Variants in RANBP10 observed in about 807,000 individuals in gnomAD.
RANBP10 encodes the protein ran-binding protein 10.
A neutral mutation model predicts 72.8 loss-of-function variants in RANBP10; 24 were observed. That is an observed-to-expected ratio of 0.33 (90% CI 0.24 to 0.46). The LOEUF (loss-of-function observed/expected upper bound fraction) is 0.46. Ranked by LOEUF, RANBP10 falls within the 20% of genes least tolerant of loss-of-function variation. The probability of loss-of-function intolerance (pLI) is 1.00; values close to 1 mark genes in which losing one functional copy is unlikely to be tolerated. For missense variants in RANBP10, 679 were observed against 817.5 expected (o/e 0.83, Z 2.07); for synonymous variants, 310 against 322.3 (o/e 0.96, Z 0.41).
chr16:67,800,004 C>G (rs959046366), intron 2 of RANBP10, among the ~76,000 whole-genome samples: 2 of 152,074 alleles, frequency 1.3e-5, no homozygotes, highest in African/African-American at 4.8e-5. Flanking sequence ...GCCTGTAGTC[C>G]CAGCTACTCG....
chr16:67,797,742 C>T (rs930799408), intron 2 of RANBP10, among the ~76,000 whole-genome samples: 2 of 151,922 alleles, frequency 1.3e-5, no homozygotes. Flanking sequence ...CCCTGGGAGG[C>T]GGAGGTTGCA....
At chr16:67,742,627 C>T (rs1043740635) in intron 4 of RANBP10, among the ~76,000 whole-genome samples, 1 of 152,092 alleles carries the variant, frequency 6.6e-6, no homozygotes, top group Non-Finnish European at 1.5e-5. Context: ...TTGGTGGTCC[C>T]GGTGTACATG....
chr16:67,772,217 T>C, intron 2 of RANBP10, 131 bp from the exon 3 acceptor site: 2 of 905,748 alleles, frequency 2.2e-6, no homozygotes, highest in Middle Eastern at 3.4e-4. Flanking sequence ...TCTTATAACA[T>C]ACTAATGGTT....
At chr16:67,801,530 G>A (rs2055234856) in intron 2 of RANBP10, among the ~76,000 whole-genome samples, 1 of 152,280 alleles carries the variant, frequency 6.6e-6, no homozygotes, top group African/African-American at 2.4e-5. Context: ...AAAATGGGAA[G>A]GTAGATGATC....
At chr16:67,766,626 TA>T (rs1184866614) in intron 3 of RANBP10, among the ~76,000 whole-genome samples, 1 of 152,126 alleles carries the variant, frequency 6.6e-6, no homozygotes, top group East Asian at 1.9e-4. Context: ...TAAGCTTCCA[TA>T]GGCCCTCACC....
chr16:67,753,339 CTACAAAAAA>C (rs904337669), intron 3 of RANBP10, among the ~76,000 whole-genome samples: 22 of 152,292 alleles, frequency 1.4e-4, no homozygotes, highest in Admixed American at 1.0e-3. Flanking sequence ...CACCCCACCT[CTACAAAAAA>C]TACAAAAAAT....
intron 3 of RANBP10, among the ~76,000 whole-genome samples, chr16:67,752,278 A>G (rs2054211530): frequency 6.6e-6 from 1 of 152,314 alleles, no homozygotes; most frequent in Middle Eastern, 3.4e-3. Flanking sequence ...AGGTGGGCCA[A>G]TGTAATCACA....
At chr16:67,728,994 C>A (rs1317768294) in intron 10 of RANBP10, among the ~76,000 whole-genome samples, 2 of 152,250 alleles carry the variant, frequency 1.3e-5, no homozygotes, top group Non-Finnish European at 2.9e-5. Context: ...TCATGATGGA[C>A]CCTGAGGGTT....
At chr16:67,753,038 G>A (rs939095141) in intron 3 of RANBP10, among the ~76,000 whole-genome samples, 1 of 152,048 alleles carries the variant, frequency 6.6e-6, no homozygotes, top group Middle Eastern at 3.4e-3. Context: ...CCAGGTGTTC[G>A]AGACCAGCCT....
chr16:67,786,573 A>G (rs1249894742), intron 2 of RANBP10, among the ~76,000 whole-genome samples: 1 of 152,198 alleles, frequency 6.6e-6, no homozygotes, highest in Non-Finnish European at 1.5e-5. Context: ...ATCACTAGTC[A>G]TTAGGAAATG....
At position 67,727,337 on chromosome 16, in the gene RANBP10, G is replaced by A. The variant is rs150741934; in HGVS notation, c.1722C>T (p.Ser574=). ...QREPVCAALN[S]AILESQNLPK... is the part of the protein sequence containing the mutation. ...AATAGATTCACTCACCTAAAATGGC[G>A]CTGTTGAGGGCAGCACACACAGGTT... The change falls in exon 13 of 14, where the codon AGC becomes AGT. Residue 574 remains serine (S), a synonymous_variant. Transcript: ENST00000317506. The A allele has an allele frequency of 9.3e-6, 15 of 1,608,332 alleles. No homozygotes were observed. Among genetic ancestry groups the A allele is most frequent in the Admixed American group, 3.5e-5 (2 of 57,312 alleles).
At chr16:67,735,071 G>T in intron 5 of RANBP10, 29 bp from the exon 6 acceptor site, 2 of 1,554,828 alleles carry the variant, frequency 1.3e-6, no homozygotes, top group Non-Finnish European at 1.7e-6. Context: ...TGTCAGTCAG[G>T]CCCTGAGGGC....
chr16:67,769,529 A>C (rs1289731477), intron 3 of RANBP10, among the ~76,000 whole-genome samples: 1 of 149,236 alleles, frequency 6.7e-6, no homozygotes, highest in Non-Finnish European at 1.5e-5. Context: ...GCGGACCACG[A>C]GGTTAAGAGA....
intron 2 of RANBP10, among the ~76,000 whole-genome samples, chr16:67,786,077 G>C (rs1469183091): frequency 6.6e-6 from 1 of 151,818 alleles, no homozygotes; most frequent in Admixed American, 6.6e-5. Context: ...TGTAATACCA[G>C]TGCTTTGGGA....
intron 2 of RANBP10, among the ~76,000 whole-genome samples, chr16:67,801,392 A>G (rs1769493973): frequency 6.6e-6 from 1 of 152,160 alleles, no homozygotes; most frequent in South Asian, 2.1e-4. Flanking sequence ...GAAAGGCAGC[A>G]GCAGCATGGA....
In RANBP10 at chr16:67,724,675, T is replaced by A. The variant is rs1017316606; in HGVS notation, c.*1753A>T. 1.3e-5 allele frequency: 2 copies of A among 152,232 alleles called. No homozygotes were observed. Among genetic ancestry groups the A allele is most frequent in the African/African-American group, 4.8e-5 (2 of 41,446 alleles). 9.4% of individuals were successfully genotyped at this position (152,232 alleles called of 1,614,324 possible). On this transcript the variant is annotated 3_prime_UTR_variant, in exon 14 of 14. Coordinates refer to ENST00000317506, the MANE Select transcript of RANBP10 (RefSeq NM_020850.3). ...CACAGGGCCCAGGGCCCTGGCCCCA[T>A]CACCAGCAGTTGGTCCAATTCAAAC... is the stretch of plus-strand genomic sequence containing the variant.
intron 3 of RANBP10, among the ~76,000 whole-genome samples, chr16:67,750,707 T>G (rs1031521631): frequency 6.6e-6 from 1 of 152,264 alleles, no homozygotes; most frequent in South Asian, 2.1e-4. Context: ...TTATGCAAAT[T>G]TTACTGTCCA....
Position 67,750,351 on chromosome 16 carries a change from A to T in RANBP10, c.401-5896T>A, listed in dbSNP as rs550531546. Among the ~76,000 whole-genome samples, 409 of 152,294 alleles carry T rather than the reference A, an allele frequency of 2.7e-3. 3 individuals carry two copies. Among genetic ancestry groups the T allele is most frequent in the African/African-American group, 8.9e-3 (372 of 41,566 alleles). ...CCTCCCCTCTTGCCAGTGCATCATG[A>T]TCCAGTTCAAATTCCTGCCTCCTGG... On this transcript the variant is annotated intron_variant, in intron 3 of 13. Transcript: ENST00000317506.
At chr16:67,781,074 C>T (rs2054801097) in intron 2 of RANBP10, among the ~76,000 whole-genome samples, 1 of 152,240 alleles carries the variant, frequency 6.6e-6, no homozygotes, top group Non-Finnish European at 1.5e-5. Context: ...TACCTTGAGG[C>T]TGGAGAGCCC....
Sources: allele counts gnomAD v4.1 joint callset (sites outside exome capture counted in the v4.1 genomes callset), GRCh38; gene constraint gnomAD v4.1.1; transcripts MANE v1.5; gene names NCBI Gene and HGNC (gene_info 2026-07-23, HGNC 2026-07-21).